PCSK6: variants seen among roughly 807,000 people sequenced by gnomAD.
PCSK6 encodes proprotein convertase subtilisin/kexin type 6, also known as paired basic amino acid cleaving enzyme 4.
PCSK6 carries 85 observed loss-of-function variants against 123.3 expected under a neutral mutation model. The observed-to-expected ratio is 0.69, with a 90% confidence interval of 0.58 to 0.83. The LOEUF (loss-of-function observed/expected upper bound fraction) is 0.83, where lower values mean the gene tolerates loss of function less well. PCSK6 is among the 40% of genes least tolerant of loss of function. The pLI is 0.00. For synonymous variants in PCSK6, 508 were observed against 516.0 expected, an observed-to-expected ratio of 0.98 and a Z score of 0.21; for missense variants, 1,191 against 1,282.3, an observed-to-expected ratio of 0.93 and a Z score of 1.09.
intron 1 of PCSK6, among the ~76,000 whole-genome samples, chr15:101,476,609 C>T (rs113888749): frequency 3.3e-5 from 5 of 149,926 alleles, no homozygotes; most frequent in African/African-American, 9.8e-5. Context: ...TATATGCGCA[C>T]GTATCTGTCT....
chr15:101,407,005 C>T (rs1313951750), intron 6 of PCSK6, among the ~76,000 whole-genome samples: 1 of 152,100 alleles, frequency 6.6e-6, no homozygotes, highest in Non-Finnish European at 1.5e-5. Context: ...GTCTGGCGTC[C>T]CATCTCCACA....
intron 13 of PCSK6, among the ~76,000 whole-genome samples, chr15:101,344,692 C>T (rs2040691350): frequency 6.6e-6 from 1 of 152,114 alleles, no homozygotes; most frequent in Non-Finnish European, 1.5e-5. Context: ...CTCACTGTCG[C>T]CCAGGCTGGA....
intron 18 of PCSK6, among the ~76,000 whole-genome samples, chr15:101,321,515 T>C (rs2040121923): frequency 6.6e-6 from 1 of 152,272 alleles, no homozygotes; most frequent in Non-Finnish European, 1.5e-5. Context: ...CTGCAAAGAT[T>C]AAATGAGGCA....
intron 1 of PCSK6, among the ~76,000 whole-genome samples, chr15:101,446,252 C>T (rs73483138): frequency 0.02 from 3,017 of 152,378 alleles, 110 homozygotes; most frequent in African/African-American, 0.063. Flanking sequence ...ATCACACATT[C>T]GTCCTCTGTG....
intron 17 of PCSK6, among the ~76,000 whole-genome samples, chr15:101,323,069 C>T (rs77522104): frequency 0.012 from 1,773 of 152,282 alleles, 33 homozygotes; most frequent in African/African-American, 0.04. Context: ...AGTCATCGTG[C>T]CTCTTGGGGA....
chr15:101,387,986 AC>A (rs2042117616), intron 9 of PCSK6, among the ~76,000 whole-genome samples: 1 of 152,254 alleles, frequency 6.6e-6, no homozygotes, highest in Non-Finnish European at 1.5e-5. Context: ...GGAGGAGCTA[AC>A]ATGATGAGGA....
rs558524799 is a variant in PCSK6, at chr15:101,464,216, C to T, written c.298-20556G>A. 2.3e-3 allele frequency among the ~76,000 whole-genome samples: 344 copies of T among 152,258 alleles called. 1 individual carries two copies. The highest frequency in any genetic ancestry group is 7.7e-3 in the African/African-American group (318 of 41,548). On this transcript the variant is annotated intron_variant, in intron 1 of 21. Transcript: ENST00000611716. ...TCTCCACAGACTCACCCACATCCTG[C>T]GCCACCTGGGCCCATAAAACAAGGC...
At chr15:101,481,728 G>T (rs755015412) in intron 1 of PCSK6, among the ~76,000 whole-genome samples, 6 of 152,198 alleles carry the variant, frequency 3.9e-5, no homozygotes, top group Non-Finnish European at 8.8e-5. Context: ...GTAGACAGGG[G>T]TCTCTTCTTG....
intron 20 of PCSK6, among the ~76,000 whole-genome samples, chr15:101,309,604 G>A (rs2039805562): frequency 1.3e-5 from 2 of 152,246 alleles, no homozygotes; most frequent in Admixed American, 6.5e-5. Flanking sequence ...GAAGACTGAC[G>A]CTTTCATGCT....
intron 5 of PCSK6, among the ~76,000 whole-genome samples, chr15:101,428,287 C>T (rs539301937): frequency 6.6e-6 from 1 of 152,358 alleles, no homozygotes; most frequent in Non-Finnish European, 1.5e-5. Context: ...TGGTCCTATA[C>T]CTTCCTCCTC....
chr15:101,384,256 T>C, intron 10 of PCSK6, 66 bp downstream of exon 10: 1 of 1,577,414 alleles, frequency 6.3e-7, no homozygotes, highest in Non-Finnish European at 8.7e-7. Context: ...TTTTAAGGAA[T>C]TCATGACACC....
intron 17 of PCSK6, among the ~76,000 whole-genome samples, chr15:101,324,144 T>C (rs1325284525): frequency 6.6e-6 from 1 of 152,196 alleles, no homozygotes; most frequent in African/African-American, 2.4e-5. Flanking sequence ...TTGCCCCTGC[T>C]CAGCTTTGAT....
chr15:101,406,530 T>C (rs1376987069), intron 6 of PCSK6, among the ~76,000 whole-genome samples: 1 of 152,228 alleles, frequency 6.6e-6, no homozygotes, highest in African/African-American at 2.4e-5. Context: ...AGTAAAACTA[T>C]AGCACATTCT....
intron 11 of PCSK6, among the ~76,000 whole-genome samples, chr15:101,376,033 CAAAT>C (rs921482291): frequency 6.6e-6 from 1 of 152,104 alleles, no homozygotes; most frequent in African/African-American, 2.4e-5. Context: ...GACTCCATCT[CAAAT>C]AAAAACAAGT....
At position 101,471,789 on chromosome 15, in the gene PCSK6, CA is replaced by C. The variant is rs534984691; in HGVS notation, c.297+17584del. The stretch of plus-strand genomic sequence containing the variant: ...AAAGTCTCGCATGTGCCTTCCCGGT[CA>C]ACCTCCAGCTTTCATGCCCCCACAT... On this transcript the variant is annotated intron_variant, in intron 1 of 21. Coordinates refer to ENST00000611716, the MANE Select transcript of PCSK6 (RefSeq NM_002570.5). Among the ~76,000 whole-genome samples the C allele has an allele frequency of 1.6e-4, 25 of 152,322 alleles. No individual in the cohort carries two copies. In the East Asian group the frequency reaches 4.8e-3, roughly 29 times the overall value.
At chr15:101,356,323 C>A (rs1225551228) in intron 13 of PCSK6, among the ~76,000 whole-genome samples, 2 of 151,996 alleles carry the variant, frequency 1.3e-5, no homozygotes, top group Non-Finnish European at 2.9e-5. Context: ...ACTGCAGGGG[C>A]AAGGTCCTAG....
intron 2 of PCSK6, among the ~76,000 whole-genome samples, chr15:101,434,027 T>C (rs1230000294): frequency 6.6e-6 from 1 of 152,194 alleles, no homozygotes; most frequent in Non-Finnish European, 1.5e-5. Flanking sequence ...CTAGATAATT[T>C]ATAATGGCCG....
Position 101,397,094 on chromosome 15 carries a change from C to T in PCSK6, c.996+1310G>A, listed in dbSNP as rs117859374. On this transcript the variant is annotated intron_variant, in intron 7 of 21. Transcript: ENST00000611716. Reference sequence around the variant, plus strand: ...GGCAGAGGATGCAGTGTAGGCCTGACGCCCGGGAAAGGTAAGAAGTGGAGG... The same window carrying T: ...GGCAGAGGATGCAGTGTAGGCCTGATGCCCGGGAAAGGTAAGAAGTGGAGG... Among the ~76,000 whole-genome samples, 2,061 of 152,076 alleles carry T rather than the reference C, an allele frequency of 0.014. 122 individuals are homozygous for T. In the East Asian group the frequency reaches 0.2, roughly 15 times the overall value.
chr15:101,316,095 T>A (rs1355819363), intron 19 of PCSK6, among the ~76,000 whole-genome samples: 1 of 151,864 alleles, frequency 6.6e-6, no homozygotes, highest in Non-Finnish European at 1.5e-5. Context: ...TGGGCCTGGG[T>A]CTCCAGGGCA....
Sources: gnomAD v4.1 joint callset for allele counts (sites outside exome capture counted in the v4.1 genomes callset) on GRCh38, gnomAD v4.1.1 for gene constraint, MANE v1.5 for transcripts, NCBI Gene and HGNC (gene_info 2026-07-23, HGNC 2026-07-21) for gene names.